The following CHP1 variants were observed in gnomAD, a reference collection of about 807,000 sequenced individuals.
The protein encoded by CHP1 is calcineurin B homologous protein 1.
In CHP1, 11 loss-of-function variants were observed where a neutral mutation model predicts 27.4. The observed-to-expected ratio is 0.40, with a 90% CI of 0.25 to 0.67. The LOEUF (loss-of-function observed/expected upper bound fraction) is 0.67, where lower values mean the gene tolerates loss of function less well. Among genes scored for constraint, CHP1 ranks in the 30% least tolerant of loss-of-function variants. The probability of loss-of-function intolerance (pLI) is 0.38; values close to 1 mark genes in which losing one functional copy is unlikely to be tolerated. For missense variants in CHP1, 169 were observed against 251.3 expected, an observed-to-expected ratio of 0.67 and a Z score of 2.22; for synonymous variants, 89 against 87.4, an observed-to-expected ratio of 1.02 and a Z score of -0.10.
intron 2 of CHP1, among the ~76,000 whole-genome samples, chr15:41,246,624 CTTTTTTTTTTTTTT>C (rs561426550): frequency 3.5e-5 from 2 of 57,284 alleles, no homozygotes; most frequent in African/African-American, 1.5e-4. Flanking sequence ...GGCCAAAAAG[CTTTTTTTTTTTTTT>C]TTTTTTTTTT....
intron 1 of CHP1, among the ~76,000 whole-genome samples, chr15:41,235,701 T>C (rs1426821736): frequency 6.6e-6 from 1 of 152,188 alleles, no homozygotes; most frequent in African/African-American, 2.4e-5. Context: ...TTTTGTTTGT[T>C]TGAAAGAGTG....
At chr15:41,268,951 C>A (rs941045847) in intron 4 of CHP1, among the ~76,000 whole-genome samples, 1 of 152,134 alleles carries the variant, frequency 6.6e-6, no homozygotes, top group African/African-American at 2.4e-5. Context: ...CAGAGCAAGA[C>A]TCTGTCTCAA....
At chr15:41,241,888 C>T (rs2047308737) in intron 1 of CHP1, among the ~76,000 whole-genome samples, 1 of 152,184 alleles carries the variant, frequency 6.6e-6, no homozygotes, top group South Asian at 2.1e-4. Context: ...CCCTTTAAAC[C>T]TCTGAAGGTA....
chr15:41,278,140 A>C (rs1399051659), intron 5 of CHP1, among the ~76,000 whole-genome samples: 1 of 151,932 alleles, frequency 6.6e-6, no homozygotes, highest in African/African-American at 2.4e-5. Context: ...CATCCTGTCT[A>C]ACATGCTGAA....
intron 5 of CHP1, among the ~76,000 whole-genome samples, chr15:41,273,095 T>A (rs1463587194): frequency 6.6e-6 from 1 of 151,856 alleles, no homozygotes; most frequent in East Asian, 1.9e-4. Context: ...TAGCCCAATC[T>A]CTTTTACTCA....
chr15:41,246,217 GTTCTT>G (rs2047333605), intron 2 of CHP1, among the ~76,000 whole-genome samples: 1 of 151,928 alleles, frequency 6.6e-6, no homozygotes. Flanking sequence ...TATATTCTGA[GTTCTT>G]TTCTTCTTTG....
At chr15:41,260,206 C>T (rs1381863405) in intron 3 of CHP1, among the ~76,000 whole-genome samples, 1 of 151,604 alleles carries the variant, frequency 6.6e-6, no homozygotes, top group Non-Finnish European at 1.5e-5. Flanking sequence ...GGAACCAGGC[C>T]ATCTGCCTTA....
chr15:41,232,385 A>G (rs1287571327), intron 1 of CHP1, among the ~76,000 whole-genome samples: 1 of 151,634 alleles, frequency 6.6e-6, no homozygotes, highest in Non-Finnish European at 1.5e-5. Flanking sequence ...TAATTTTTGT[A>G]TTTTTGGTAG....
chr15:41,243,867 C>G, intron 2 of CHP1, 128 bp downstream of exon 2: 1 of 720,984 alleles, frequency 1.4e-6, no homozygotes, highest in Non-Finnish European at 2.3e-6. Context: ...GACCATTTCT[C>G]TACTGGTCTT....
At chr15:41,244,949 G>A (rs2047326407) in intron 2 of CHP1, among the ~76,000 whole-genome samples, 1 of 152,084 alleles carries the variant, frequency 6.6e-6, no homozygotes, top group Non-Finnish European at 1.5e-5. Context: ...TCTAGCACAG[G>A]TGTTGGATGT....
chr15:41,237,146 C>CT lies in CHP1; in HGVS notation c.67+5710dup, dbSNP rs1157143384. ...GCACCTGGCCCCTTTTTTTCTTTTTCTTTTTTTTTTTTTAATTGAGATGGA... is the reference window on the plus strand; with the variant it reads ...GCACCTGGCCCCTTTTTTTCTTTTTCTTTTTTTTTTTTTTAATTGAGATGGA... On this transcript the variant is annotated intron_variant, in intron 1 of 6. Coordinates refer to ENST00000334660, the MANE Select transcript of CHP1 (RefSeq NM_007236.5). Among the ~76,000 whole-genome samples the CT allele has an allele frequency of 2.2e-3, 279 of 127,722 alleles. 3 individuals carry two copies. Among genetic ancestry groups the CT allele is most frequent in the Middle Eastern group, 0.019 (4 of 206 alleles). The allele number at this position is 127,722 out of a possible 152,430, so 83.8% of individuals were successfully genotyped here.
At chr15:41,262,941 G>A in intron 4 of CHP1, 58 bp downstream of exon 4, 1 of 1,596,978 alleles carries the variant, frequency 6.3e-7, no homozygotes, top group East Asian at 2.2e-5. Flanking sequence ...TAAAAGTCAT[G>A]TATTTACTCA....
intron 4 of CHP1, among the ~76,000 whole-genome samples, chr15:41,268,725 C>T (rs2412610): frequency 0.11 from 16,195 of 151,384 alleles, 1,177 homozygotes; most frequent in East Asian, 0.21. Flanking sequence ...TTAGATCATG[C>T]GGTTAGATCA....
intron 2 of CHP1, among the ~76,000 whole-genome samples, chr15:41,250,090 T>TAAA (rs77882380): frequency 1.6e-5 from 2 of 127,260 alleles, no homozygotes; most frequent in Admixed American, 8.1e-5. Context: ...GGTGTTATGT[T>TAAA]AAAAAAAAAA....
chr15:41,234,423 A>G (rs2047266986), intron 1 of CHP1, among the ~76,000 whole-genome samples: 3 of 152,244 alleles, frequency 2.0e-5, no homozygotes, highest in Admixed American at 2.0e-4. Context: ...AAGAACAATT[A>G]TAAGACATTT....
intron 5 of CHP1, among the ~76,000 whole-genome samples, chr15:41,278,156 A>G (rs2047528570): frequency 6.6e-6 from 1 of 151,732 alleles, no homozygotes; most frequent in South Asian, 2.1e-4. Context: ...CTGAAACCCC[A>G]TCTCTACTAA....
chr15:41,267,307 G>A (rs1350179812), intron 4 of CHP1, among the ~76,000 whole-genome samples: 3 of 151,866 alleles, frequency 2.0e-5, no homozygotes, highest in African/African-American at 7.3e-5. Context: ...TTAATGCCAC[G>A]GAACTGTACC....
intron 1 of CHP1, among the ~76,000 whole-genome samples, chr15:41,240,146 G>A (rs2047298846): frequency 6.6e-6 from 1 of 151,760 alleles, no homozygotes; most frequent in Non-Finnish European, 1.5e-5. Context: ...GCTCATTTGT[G>A]GATTTTTTTG....
Position 41,262,094 on chromosome 15 carries a change from G to A in CHP1, c.222-662G>A, listed in dbSNP as rs536729344. On this transcript the variant is annotated intron_variant, in intron 3 of 6. Transcript: ENST00000334660. ...TAAGGCAGGAGAATTGCTTGAACCC[G>A]GGAGGCGGAGGTTGCAGTGAGCCGA... Among the ~76,000 whole-genome samples, 8 of 152,066 alleles carry A rather than the reference G, an allele frequency of 5.3e-5. No homozygotes were observed. The East Asian group carries it at 1.4e-3, about 26-fold the overall frequency.
Sources: allele counts gnomAD v4.1 joint callset (sites outside exome capture counted in the v4.1 genomes callset), GRCh38; gene constraint gnomAD v4.1.1; transcripts MANE v1.5; gene names NCBI Gene and HGNC (gene_info 2026-07-23, HGNC 2026-07-21).